Variants in NPHS2 observed in about 807,000 individuals in gnomAD.
NPHS2 encodes NPHS2 stomatin family member, podocin.
In NPHS2, 36 loss-of-function variants were observed where a neutral mutation model predicts 37.1. The ratio of observed to expected loss-of-function variants is 0.97; its 90% CI spans 0.74 to 1.28. The LOEUF is 1.28. Among genes scored for constraint, NPHS2 ranks in the 50% most tolerant of loss-of-function variants. The pLI is 0.00. For synonymous variants in NPHS2, 196 were observed against 189.3 expected (o/e 1.04, Z -0.29); for missense variants, 447 against 488.1 (o/e 0.92, Z 0.79).
chr1:179,570,390 A>G (rs1674506647), intron 1 of NPHS2, among the ~76,000 whole-genome samples: 1 of 152,220 alleles, frequency 6.6e-6, no homozygotes, highest in South Asian at 2.1e-4. Context: ...AAATTAACTA[A>G]AAGTATCCCT....
At chr1:179,561,605 A>G (rs1674140299) in intron 2 of NPHS2, among the ~76,000 whole-genome samples, 1 of 152,208 alleles carries the variant, frequency 6.6e-6, no homozygotes, top group Admixed American at 6.5e-5. Context: ...ACTTATGATT[A>G]TCTAAAATCC....
chr1:179,550,875 C>A lies in NPHS2; in HGVS notation c.*298G>T, dbSNP rs1205493701. 2 of 424,738 alleles carry A rather than the reference C, an allele frequency of 4.7e-6. No homozygotes were observed. The highest frequency in any genetic ancestry group is 5.0e-5 in the East Asian group (1 of 19,818). The allele number at this position is 424,738 out of a possible 1,614,324, so 26.3% of individuals were successfully genotyped here. ...GAAAGGGACATCTGAACCAAGTTCC[C>A]AGAAGTCAAAATTTAACCACATCTA... On this transcript the variant is annotated 3_prime_UTR_variant, in exon 8 of 8. Transcript: ENST00000367615.
At chr1:179,565,641 A>G (rs1327832056) in intron 1 of NPHS2, among the ~76,000 whole-genome samples, 3 of 152,206 alleles carry the variant, frequency 2.0e-5, no homozygotes, top group Non-Finnish European at 4.4e-5. Flanking sequence ...TTACATAGGT[A>G]TACATGTGCC....
chr1:179,559,814 T>C, intron 3 of NPHS2, 53 bp from the exon 4 acceptor site: 2 of 1,254,056 alleles, frequency 1.6e-6, no homozygotes, highest in South Asian at 2.6e-5. Flanking sequence ...GAAGGCTGTT[T>C]GGGTTTCACC....
intron 1 of NPHS2, among the ~76,000 whole-genome samples, chr1:179,565,733 C>G (rs1284531343): frequency 1.3e-5 from 2 of 151,416 alleles, no homozygotes; most frequent in South Asian, 4.2e-4. Context: ...CTCCCCACCC[C>G]CCGACAGGCC....
chr1:179,554,561 G>T lies in NPHS2; in HGVS notation c.739-30C>A, dbSNP rs761566544. The T allele has an allele frequency of 3.1e-6, 5 of 1,614,114 alleles. No individual in the cohort carries two copies. The East Asian group carries it at 1.1e-4, about 36-fold the overall frequency. On this transcript the variant is annotated intron_variant, in intron 5 of 7. Coordinates refer to ENST00000367615, the MANE Select transcript of NPHS2 (RefSeq NM_014625.4). Reference sequence around the variant, plus strand: ...GGAAAGAAGAATTCAGATGTCAGTGGGAGCCTCCAGGTGGGAGGAGAGCAT... The same window carrying T: ...GGAAAGAAGAATTCAGATGTCAGTGTGAGCCTCCAGGTGGGAGGAGAGCAT...
intron 5 of NPHS2, 99 bp from the exon 6 acceptor site, chr1:179,554,630 T>C: frequency 6.6e-7 from 1 of 1,518,430 alleles, no homozygotes; most frequent in Non-Finnish European, 9.1e-7. Flanking sequence ...GGAACAACAT[T>C]CCCTTTGAAA....
intron 2 of NPHS2, among the ~76,000 whole-genome samples, 195 bp downstream of exon 2, chr1:179,564,495 G>A (rs1206174543): frequency 6.6e-6 from 1 of 152,178 alleles, no homozygotes; most frequent in African/African-American, 2.4e-5. Flanking sequence ...TGACAGTCTG[G>A]GGGAGTCAAG....
rs1158299404 is a variant in NPHS2 at position 179,554,486 on chromosome 1, T to G, written c.784A>C (p.Arg262=). 6.2e-7 allele frequency: 1 copy of G among 1,614,150 alleles called. No homozygotes were observed. Among genetic ancestry groups the G allele is most frequent in the South Asian group, 1.1e-5 (1 of 91,074 alleles). Residue 262 remains arginine (R), a synonymous_variant, in exon 6 of 8, where the codon AGA becomes CGA. Coordinates refer to ENST00000367615, the MANE Select transcript of NPHS2 (RefSeq NM_014625.4). ...TAATTTCCTACCCACATTTCTATTCTCTCCACTTTGATTCCCCAAATACAG... is the reference window on the plus strand; with the variant it reads ...TAATTTCCTACCCACATTTCTATTCGCTCCACTTTGATTCCCCAAATACAG... ...VTCIWGIKVE[R]IEIKDVRLPA...
intron 1 of NPHS2, among the ~76,000 whole-genome samples, chr1:179,573,509 A>G (rs1336205781): frequency 2.0e-5 from 3 of 152,226 alleles, no homozygotes; most frequent in Non-Finnish European, 4.4e-5. Flanking sequence ...TGACCAGGTA[A>G]TATTTTCTCT....
In NPHS2 at chr1:179,575,847, C is replaced by T. The variant is rs1196845150; in HGVS notation, c.18G>A (p.Arg6=). The change falls in exon 1 of 8, where the codon CGG becomes CGA. Residue 6 remains arginine (R), a synonymous_variant. Coordinates refer to ENST00000367615, the MANE Select transcript of NPHS2 (RefSeq NM_014625.4). ...GCCCGCGGGACTCCCTGGAGGAGCT[C>T]CGCGCCCTCCTCTCCATCCTCAGAG... is the stretch of plus-strand genomic sequence containing the variant. MERRA[R]SSSRESRGRG... The T allele has an allele frequency of 2.8e-6, 4 of 1,427,470 alleles. No homozygotes were observed. Among genetic ancestry groups the T allele is most frequent in the South Asian group, 3.2e-5 (2 of 62,966 alleles). The allele number at this position is 1,427,470 out of a possible 1,614,324, so 88.4% of individuals were successfully genotyped here.
intron 1 of NPHS2, among the ~76,000 whole-genome samples, chr1:179,572,762 C>T (rs894746051): frequency 6.6e-6 from 1 of 151,674 alleles, no homozygotes; most frequent in Non-Finnish European, 1.5e-5. Context: ...TTCCTTCTTT[C>T]CTTCCTTCCT....
At chr1:179,551,774 G>C in intron 7 of NPHS2, 1 of 342,278 alleles carries the variant, frequency 2.9e-6, no homozygotes, top group Non-Finnish European at 5.5e-6. Context: ...CCATGCAAAG[G>C]CATGACGTTA....
At chr1:179,563,014 T>A (rs1187022268) in intron 2 of NPHS2, among the ~76,000 whole-genome samples, 1 of 152,178 alleles carries the variant, frequency 6.6e-6, no homozygotes, top group Non-Finnish European at 1.5e-5. Flanking sequence ...CTTGTGGCAG[T>A]CATGCAGGTG....
At chr1:179,561,399 A>T (rs1396093123) in intron 2 of NPHS2, 38 bp from the exon 3 acceptor site, 5 of 1,509,808 alleles carry the variant, frequency 3.3e-6, no homozygotes, top group Non-Finnish European at 3.7e-6. Flanking sequence ...CACTCCCAGA[A>T]AGAAAAAGTC....
chr1:179,575,731 G>A lies in NPHS2; in HGVS notation c.134C>T (p.Pro45Leu). ...GRGRQEAGPEPSGSGRAGTPG... is the reference protein window; with the variant it reads ...GRGRQEAGPELSGSGRAGTPG... ...GGTCCCCGCCCGTCCGGAGCCCGACGGCTCGGGCCCAGCCTCCTGGCGCCC... is the reference window on the plus strand; with the variant it reads ...GGTCCCCGCCCGTCCGGAGCCCGACAGCTCGGGCCCAGCCTCCTGGCGCCC... The change falls in exon 1 of 8, where the codon CCG becomes CTG. Residue 45 changes from proline to leucine, a missense_variant. Transcript: ENST00000367615. The A allele has an allele frequency of 6.5e-7, 1 of 1,534,818 alleles. No homozygotes were observed. The highest frequency in any genetic ancestry group is 1.2e-5 in the South Asian group (1 of 83,432).
chr1:179,571,120 G>A (rs901490392), intron 1 of NPHS2, among the ~76,000 whole-genome samples: 1 of 152,194 alleles, frequency 6.6e-6, no homozygotes, highest in Non-Finnish European at 1.5e-5. Flanking sequence ...GCAAGGAGCT[G>A]CAACCTTTTG....
chr1:179,569,066 T>C lies in NPHS2; in HGVS notation c.275-4273A>G, dbSNP rs1988032. Among the ~76,000 whole-genome samples the C allele has an allele frequency of 2.0e-5, 3 of 152,188 alleles. No individual in the cohort carries two copies. The East Asian group carries it at 5.8e-4, about 29-fold the overall frequency. On this transcript the variant is annotated intron_variant, in intron 1 of 7. Coordinates refer to ENST00000367615, the MANE Select transcript of NPHS2 (RefSeq NM_014625.4). ...GAGAGTTCTGTAGATGCCTATTAGG[T>C]CTGCTTGTTGCAGAGCTGAGTTCTG...
intron 1 of NPHS2, among the ~76,000 whole-genome samples, chr1:179,570,960 C>T (rs996971085): frequency 9.9e-5 from 15 of 152,106 alleles, no homozygotes; most frequent in Non-Finnish European, 5.9e-5. Context: ...GTTAGCCATT[C>T]GTCTAATCTT....
Sources: gnomAD v4.1 joint callset for allele counts (sites outside exome capture counted in the v4.1 genomes callset) on GRCh38, gnomAD v4.1.1 for gene constraint, MANE v1.5 for transcripts, NCBI Gene and HGNC (gene_info 2026-07-23, HGNC 2026-07-21) for gene names.